The following IFT46 variants were observed in gnomAD, a reference collection of about 807,000 sequenced individuals.
The protein encoded by IFT46 is intraflagellar transport protein 46 homolog.
In IFT46, 19 loss-of-function variants were observed where a neutral mutation model predicts 39.6. The ratio of observed to expected loss-of-function variants is 0.48; its 90% CI spans 0.33 to 0.70. IFT46 has a LOEUF of 0.70. IFT46 is among the 30% of genes least tolerant of loss of function. IFT46 has a pLI of 0.01. For missense variants in IFT46, 334 were observed against 364.8 expected, an observed-to-expected ratio of 0.92 and a Z score of 0.69; for synonymous variants, 117 against 134.8, an observed-to-expected ratio of 0.87 and a Z score of 0.91.
At chr11:118,562,138 G>A (rs995226602) in intron 2 of IFT46, among the ~76,000 whole-genome samples, 2 of 152,158 alleles carry the variant, frequency 1.3e-5, no homozygotes, top group African/African-American at 4.8e-5. Context: ...TTAGCCAGGT[G>A]TGGTGGCACA....
At chr11:118,575,209 A>G (rs563793827), upstream of IFT46, among the ~76,000 whole-genome samples, 3 of 152,132 alleles carry the variant, frequency 2.0e-5, no homozygotes, top group East Asian at 3.9e-4. Context: ...CGATCTCCTC[A>G]CCTCGTGATC....
chr11:118,546,469 CAT>C (rs1951688902), intron 9 of IFT46: 1 of 326,086 alleles, frequency 3.1e-6, no homozygotes, highest in Non-Finnish European at 5.8e-6. Context: ...CCAGCCTGGG[CAT>C]AGAGTAATAC....
At chr11:118,572,352 C>CCCCCCCCGCCCTCCCCCCCGCCCT (rs1358658538) in intron 1 of IFT46, 1 of 139,060 alleles carries the variant, frequency 7.2e-6, no homozygotes, top group Non-Finnish European at 1.6e-5. Flanking sequence ...GGCCCCGCCC[C>CCCCCCCCGCCCTCCCCCCCGCCCT]CCCCCCCGCC....
At chr11:118,574,947 G>A (rs766047464), upstream of IFT46, among the ~76,000 whole-genome samples, 5 of 151,758 alleles carry the variant, frequency 3.3e-5, no homozygotes, top group Admixed American at 6.6e-5. Flanking sequence ...TTTGTATTCT[G>A]CAAATTAATG....
At chr11:118,569,792 G>A (rs2135520715), upstream of IFT46, among the ~76,000 whole-genome samples, 1 of 152,298 alleles carries the variant, frequency 6.6e-6, no homozygotes, top group East Asian at 1.9e-4. Context: ...TTAGAGTAAT[G>A]GCTGGTATGC....
In IFT46 at chr11:118,544,834, T is replaced by A. The variant is rs1951636033; in HGVS notation, c.*82A>T. The A allele has an allele frequency of 3.1e-6, 3 of 979,636 alleles. No individual in the cohort carries two copies. Among genetic ancestry groups the A allele is most frequent in the African/African-American group, 1.6e-5 (1 of 62,754 alleles). The allele number at this position is 979,636 out of a possible 1,614,324, so 60.7% of individuals were successfully genotyped here. A position where few individuals can be genotyped will look rare whatever the true frequency, so the allele number is the denominator to read the frequency against. The stretch of plus-strand genomic sequence containing the variant: ...CCAAGCTGTGGCATGGGCAAGGACA[T>A]CAAGTAGCTGACAACGATCTGTCCA... On this transcript the variant is annotated 3_prime_UTR_variant, in exon 12 of 12. Coordinates refer to ENST00000264021, the MANE Select transcript of IFT46 (RefSeq NM_001168618.2).
At chr11:118,573,480 C>T (rs948918084), upstream of IFT46, 7 of 492,052 alleles carry the variant, frequency 1.4e-5, no homozygotes, top group Non-Finnish European at 2.5e-5. Context: ...TCCTTTATCG[C>T]TGTGATTTGT....
At chr11:118,552,830 A>C (rs1485401763) in intron 7 of IFT46, among the ~76,000 whole-genome samples, 1 of 151,298 alleles carries the variant, frequency 6.6e-6, no homozygotes, top group East Asian at 1.9e-4. Flanking sequence ...TCACACCTGC[A>C]GTCCTAGCAC....
Position 118,561,262 on chromosome 11 carries a change from A to C in IFT46, c.-35-1398T>G. ...ATTCTGAAAGCAAGGAATTTAATGCAGAAGTACACCAGAAGCACATCATGG... is the reference window on the plus strand; with the variant it reads ...ATTCTGAAAGCAAGGAATTTAATGCCGAAGTACACCAGAAGCACATCATGG... On this transcript the variant is annotated intron_variant, in intron 2 of 11. Coordinates refer to ENST00000264021, the MANE Select transcript of IFT46 (RefSeq NM_001168618.2). 4.5e-6 allele frequency: 6 copies of C among 1,338,564 alleles called. No individual in the cohort carries two copies. The South Asian group carries it at 5.8e-5, about 13-fold the overall frequency. The allele number at this position is 1,338,564 out of a possible 1,614,324, so 82.9% of individuals were successfully genotyped here.
upstream of IFT46, among the ~76,000 whole-genome samples, chr11:118,576,432 A>T (rs1233255164): frequency 1.4e-5 from 2 of 141,502 alleles, no homozygotes; most frequent in African/African-American, 5.4e-5. Flanking sequence ...ATGTTAAAAA[A>T]AAAAAAAAAA....
intron 9 of IFT46, chr11:118,546,969 T>C (rs1555067347): frequency 1.3e-5 from 2 of 152,266 alleles, no homozygotes; most frequent in African/African-American, 4.8e-5. Context: ...CATATAGTTC[T>C]GCAACTTGCT....
intron 10 of IFT46, 113 bp from the exon 11 acceptor site, chr11:118,545,607 G>A (rs1449090288): frequency 5.5e-6 from 6 of 1,091,170 alleles, no homozygotes; most frequent in Non-Finnish European, 8.3e-6. Flanking sequence ...ATGACTTTGG[G>A]GGTTAAATAC....
intron 9 of IFT46, among the ~76,000 whole-genome samples, chr11:118,549,071 A>AT (rs1235627809): frequency 6.6e-6 from 1 of 150,642 alleles, no homozygotes; most frequent in Non-Finnish European, 1.5e-5. Flanking sequence ...TATTTTTTTA[A>AT]TTTTTTTAGT....
chr11:118,546,162 T>C (rs374379330), intron 9 of IFT46: 397 of 718,204 alleles, frequency 5.5e-4, no homozygotes, highest in African/African-American at 3.2e-3. Context: ...GGGAAGACCA[T>C]GGGAAGACAC....
At chr11:118,572,610 G>C (rs1397657219) in exon 1 of IFT46, 3 of 1,578,130 alleles carry the variant, frequency 1.9e-6, no homozygotes, top group Non-Finnish European at 1.7e-6. Flanking sequence ...TCTCCTTGTC[G>C]GCGGGCCTGG....
intron 3 of IFT46, chr11:118,557,882 C>T: frequency 6.3e-7 from 1 of 1,593,728 alleles, no homozygotes. Flanking sequence ...GCATGCCCTC[C>T]CTTAGGACCT....
intron 6 of IFT46, 126 bp from the exon 7 acceptor site, chr11:118,554,713 T>C: frequency 3.9e-6 from 4 of 1,034,598 alleles, no homozygotes; most frequent in Non-Finnish European, 5.6e-6. Flanking sequence ...CGCAATACTA[T>C]CCAGAAAAAA....
intron 2 of IFT46, among the ~76,000 whole-genome samples, chr11:118,562,246 C>T (rs1414733722): frequency 6.6e-6 from 1 of 151,834 alleles, no homozygotes; most frequent in Non-Finnish European, 1.5e-5. Context: ...CATTGCACTC[C>T]AGCCTGGGCG....
upstream of IFT46, chr11:118,573,646 T>C: frequency 1.4e-6 from 1 of 702,380 alleles, no homozygotes. Context: ...CATCGTCCAG[T>C]GTACCTGAGA....
Sources: allele counts gnomAD v4.1 joint callset (sites outside exome capture counted in the v4.1 genomes callset), GRCh38; gene constraint gnomAD v4.1.1; transcripts MANE v1.5; gene names NCBI Gene and HGNC (gene_info 2026-07-23, HGNC 2026-07-21).